The following GABRB3 variants were observed in gnomAD, a reference collection of about 807,000 sequenced individuals.
GABRB3 encodes gamma-aminobutyric acid type A receptor subunit beta3, also known as gamma-aminobutyric acid receptor subunit beta-3.
Under a neutral mutation model 52.1 loss-of-function variants are expected in GABRB3, and 14 were observed. The ratio of observed to expected loss-of-function variants is 0.27; its 90% CI spans 0.18 to 0.42. GABRB3 has a LOEUF of 0.42. GABRB3 is among the 10% of genes least tolerant of loss of function. The pLI is 1.00. For missense variants in GABRB3, 307 were observed against 609.1 expected, an observed-to-expected ratio of 0.50 and a Z score of 5.22; for synonymous variants, 260 against 232.3, an observed-to-expected ratio of 1.12 and a Z score of -1.08.
chr15:26,566,109 G>A (rs545053452), intron 7 of GABRB3, among the ~76,000 whole-genome samples: 1 of 152,272 alleles, frequency 6.6e-6, no homozygotes, highest in African/African-American at 2.4e-5. Context: ...TCTGCAGGCT[G>A]TAGAAAAGTC....
chr15:26,705,110 G>A (rs754412312), intron 3 of GABRB3, among the ~76,000 whole-genome samples: 3 of 152,170 alleles, frequency 2.0e-5, no homozygotes, highest in Admixed American at 1.3e-4. Context: ...GAATGCCTGA[G>A]ACTAGATGAT....
intron 4 of GABRB3, among the ~76,000 whole-genome samples, chr15:26,617,058 A>G (rs1028940508): frequency 6.6e-6 from 1 of 152,206 alleles, no homozygotes; most frequent in African/African-American, 2.4e-5. Context: ...GAATAGACCA[A>G]TAACAGGAGC....
Position 26,772,991 on chromosome 15 carries a change from G to A in GABRB3, c.-29C>T, listed in dbSNP as rs1313146210. ...TCCGCCGCGCCCCGGCACGGGGGAG[G>A]GGGCGCCCCGCCGCCGTCGCGACCC... is the stretch of plus-strand genomic sequence containing the variant. On this transcript the variant is annotated 5_prime_UTR_variant, in exon 1 of 9. Coordinates refer to ENST00000311550, the MANE Select transcript of GABRB3 (RefSeq NM_000814.6). The A allele has an allele frequency of 7.4e-7, 1 of 1,351,638 alleles. No individual in the cohort carries two copies. Among genetic ancestry groups the A allele is most frequent in the South Asian group, 1.7e-5 (1 of 60,456 alleles). 83.7% of individuals were successfully genotyped at this position (1,351,638 alleles called of 1,614,324 possible).
Position 26,565,811 on chromosome 15 carries a change from A to T in GABRB3, c.835+1770T>A, listed in dbSNP as rs568845433. Among the ~76,000 whole-genome samples the T allele has an allele frequency of 3.3e-5, 5 of 152,280 alleles. No homozygotes were observed. The South Asian group carries it at 1.0e-3, about 32-fold the overall frequency. On this transcript the variant is annotated intron_variant, in intron 7 of 8. Transcript: ENST00000311550. ...TCATATTTCACTAACTATCGCAGTG[A>T]CGGCAAATTCTCTGTAGCAGATGCT...
At chr15:26,593,736 G>C (rs1040365160) in intron 4 of GABRB3, among the ~76,000 whole-genome samples, 3 of 151,820 alleles carry the variant, frequency 2.0e-5, no homozygotes, top group Non-Finnish European at 4.4e-5. Context: ...CATTTGGGTT[G>C]TTTCTACCTT....
At chr15:26,733,330 C>T (rs1033625772) in intron 3 of GABRB3, among the ~76,000 whole-genome samples, 2 of 151,990 alleles carry the variant, frequency 1.3e-5, no homozygotes, top group African/African-American at 4.8e-5. Flanking sequence ...GATACAAAGT[C>T]AACACACAAA....
chr15:26,582,277 C>T (rs1245302747), intron 5 of GABRB3, among the ~76,000 whole-genome samples: 3 of 152,320 alleles, frequency 2.0e-5, no homozygotes, highest in Middle Eastern at 6.8e-3. Flanking sequence ...GGAGCTGCTG[C>T]CTTACTTAGA....
At chr15:26,766,549 A>G (rs1212406420) in intron 3 of GABRB3, among the ~76,000 whole-genome samples, 1 of 152,208 alleles carries the variant, frequency 6.6e-6, no homozygotes, top group African/African-American at 2.4e-5. Context: ...AATCTACAAG[A>G]TACTTTCATT....
chr15:26,631,301 G>A (rs1489080879), intron 3 of GABRB3, among the ~76,000 whole-genome samples: 1 of 152,098 alleles, frequency 6.6e-6, no homozygotes, highest in Admixed American at 6.6e-5. Context: ...AAACAACAAA[G>A]TTTCTTCCTG....
chr15:26,714,925 CAG>C (rs1047344582), intron 3 of GABRB3, among the ~76,000 whole-genome samples: 2 of 152,112 alleles, frequency 1.3e-5, no homozygotes, highest in African/African-American at 2.4e-5. Context: ...ACACCAAAAA[CAG>C]AGAAACACAA....
intron 3 of GABRB3, among the ~76,000 whole-genome samples, chr15:26,745,510 G>A (rs1231547514): frequency 6.6e-6 from 1 of 152,114 alleles, no homozygotes; most frequent in African/African-American, 2.4e-5. Context: ...GGCAGGAACA[G>A]CTATAGGTCT....
intron 3 of GABRB3, among the ~76,000 whole-genome samples, chr15:26,728,631 A>G (rs370924844): frequency 6.6e-6 from 1 of 152,346 alleles, no homozygotes; most frequent in Non-Finnish European, 1.5e-5. Flanking sequence ...ATACACTTAA[A>G]GTGCCTTTTC....
chr15:26,740,332 G>A (rs1405221361), intron 3 of GABRB3, among the ~76,000 whole-genome samples: 2 of 152,092 alleles, frequency 1.3e-5, no homozygotes, highest in Non-Finnish European at 2.9e-5. Flanking sequence ...GGTAGAAGTA[G>A]TGATCAATTC....
chr15:26,580,494 AT>A (rs1487397941), intron 5 of GABRB3, 38 bp from the exon 6 acceptor site: 2 of 1,613,610 alleles, frequency 1.2e-6, no homozygotes, highest in Non-Finnish European at 1.7e-6. Flanking sequence ...AAACATCACC[AT>A]TTCGTATAAA....
At chr15:26,600,848 G>A (rs939976371) in intron 4 of GABRB3, among the ~76,000 whole-genome samples, 2 of 152,190 alleles carry the variant, frequency 1.3e-5, no homozygotes. Flanking sequence ...GGTTAGTAAT[G>A]ATGATGTGTA....
intron 3 of GABRB3, among the ~76,000 whole-genome samples, chr15:26,650,553 T>C (rs1887164123): frequency 1.3e-5 from 2 of 152,008 alleles, no homozygotes; most frequent in Admixed American, 1.3e-4. Flanking sequence ...GGGTACCCAG[T>C]GAAGCCCCAC....
chr15:26,753,452 G>C (rs1890572330), intron 3 of GABRB3, among the ~76,000 whole-genome samples: 1 of 152,158 alleles, frequency 6.6e-6, no homozygotes, highest in African/African-American at 2.4e-5. Context: ...GGCAAGACTG[G>C]GTGAATAATT....
chr15:26,633,682 T>C (rs374817131), intron 3 of GABRB3, among the ~76,000 whole-genome samples: 2 of 152,222 alleles, frequency 1.3e-5, no homozygotes, highest in East Asian at 3.9e-4. Flanking sequence ...ATTCGTCTGA[T>C]TGATAACACC....
At chr15:26,685,971 A>T (rs1226301380) in intron 3 of GABRB3, among the ~76,000 whole-genome samples, 1 of 151,950 alleles carries the variant, frequency 6.6e-6, no homozygotes, top group Non-Finnish European at 1.5e-5. Flanking sequence ...TGCCCAGCTA[A>T]TTTTTTTAAA....
Sources: allele counts gnomAD v4.1 joint callset (sites outside exome capture counted in the v4.1 genomes callset), GRCh38; gene constraint gnomAD v4.1.1; transcripts MANE v1.5; gene names NCBI Gene and HGNC (gene_info 2026-07-23, HGNC 2026-07-21).